Variants in TMEM267 observed in about 807,000 individuals in gnomAD.
TMEM267 encodes transmembrane protein 267.
A neutral mutation model predicts 19.3 loss-of-function variants in TMEM267; 20 were observed. The ratio of observed to expected loss-of-function variants is 1.04; its 90% CI spans 0.73 to 1.51. TMEM267 has a LOEUF of 1.51. TMEM267 is among the 40% of genes most tolerant of loss of function. The pLI is 0.00. For synonymous variants in TMEM267, 88 were observed against 90.3 expected (o/e 0.97, Z 0.15); for missense variants, 242 against 261.9 (o/e 0.92, Z 0.52).
chr5:43,449,713 TAG>T (rs1301992264), intron 2 of TMEM267, among the ~76,000 whole-genome samples: 2 of 152,214 alleles, frequency 1.3e-5, no homozygotes, highest in African/African-American at 4.8e-5. Context: ...TAATCCATAT[TAG>T]TAAAATATAA....
rs67848213 is a variant in TMEM267, at chr5:43,476,508, C to CTTTTTT, written c.-75+7308_-75+7313dup. ...ATCCTAACTGATACAAAAGCCAGACCTTTTTTTTTTTTTTTTTTTTTTTTT... is the reference window on the plus strand; with the variant it reads ...ATCCTAACTGATACAAAAGCCAGACCTTTTTTTTTTTTTTTTTTTTTTTTTTTTTTT... On this transcript the variant is annotated intron_variant, in intron 1 of 2. Coordinates refer to ENST00000397080, the MANE Select transcript of TMEM267 (RefSeq NM_022483.5). 4.1e-3 allele frequency among the ~76,000 whole-genome samples: 227 copies of CTTTTTT among 54,840 alleles called. 14 individuals carry two copies. Among genetic ancestry groups the CTTTTTT allele is most frequent in the African/African-American group, 0.011 (146 of 12,830 alleles). 36.0% of individuals were successfully genotyped at this position (54,840 alleles called of 152,430 possible). A position where few individuals can be genotyped will look rare whatever the true frequency, so the allele number is the denominator to read the frequency against.
chr5:43,449,485 C>T (rs1042674378), intron 2 of TMEM267, among the ~76,000 whole-genome samples: 2 of 151,914 alleles, frequency 1.3e-5, no homozygotes, highest in Non-Finnish European at 2.9e-5. Flanking sequence ...AATAAAAATG[C>T]AAATCTATTA....
At chr5:43,475,978 T>C (rs1744398408) in intron 1 of TMEM267, 1 of 152,206 alleles carries the variant, frequency 6.6e-6, no homozygotes. Flanking sequence ...CCCTTCCTTA[T>C]ATAGTTCTGG....
chr5:43,476,473 T>C (rs1322144255), intron 1 of TMEM267, among the ~76,000 whole-genome samples: 1 of 151,128 alleles, frequency 6.6e-6, no homozygotes, highest in Non-Finnish European at 1.5e-5. Flanking sequence ...TAGTTCTGCT[T>C]CTTTGATGGA....
Position 43,446,397 on chromosome 5 carries a change from C to T in TMEM267, c.473G>A (p.Arg158Gln), listed in dbSNP as rs750875918. 18 of 1,613,952 alleles carry T rather than the reference C, an allele frequency of 1.1e-5. No homozygotes were observed. Among genetic ancestry groups the T allele is most frequent in the African/African-American group, 2.7e-5 (2 of 74,906 alleles). The change falls in exon 3 of 3, where the codon CGA (arginine) becomes CAA (glutamine). Residue 158 changes from arginine to glutamine, a missense_variant. Arg to Gln is a conservative substitution (Grantham distance 43, BLOSUM62 1). Transcript: ENST00000397080. ...LFISWTSHHI[R>Q]DGIRHGLWIC... ...CCACAAACCATGACGAATCCCATCT[C>T]GGATATGATGTGAAGTCCAGGATAT...
chr5:43,453,023 G>A (rs896429197), intron 2 of TMEM267, among the ~76,000 whole-genome samples: 1 of 152,162 alleles, frequency 6.6e-6, no homozygotes, highest in Non-Finnish European at 1.5e-5. Context: ...AACATTTTAA[G>A]TTTAGTTCAT....
Position 43,445,510 on chromosome 5 carries a change from C to CA in TMEM267, c.*711dup, listed in dbSNP as rs1742191144. 1 of 151,666 alleles carries CA rather than the reference C, an allele frequency of 6.6e-6. No homozygotes were observed. The highest frequency in any genetic ancestry group is 2.4e-5 in the African/African-American group (1 of 41,310). 9.4% of individuals were successfully genotyped at this position (151,666 alleles called of 1,614,324 possible). A position where few individuals can be genotyped will look rare whatever the true frequency, so the allele number is the denominator to read the frequency against. On this transcript the variant is annotated 3_prime_UTR_variant, in exon 3 of 3. Coordinates refer to ENST00000397080, the MANE Select transcript of TMEM267 (RefSeq NM_022483.5). Reference sequence around the variant, plus strand: ...ACACGAGATTCTAGGCTAGAGATACCAAAAAATACTACTTCAGTAAAGTGC... The same window carrying CA: ...ACACGAGATTCTAGGCTAGAGATACCAAAAAAATACTACTTCAGTAAAGTGC...
chr5:43,474,851 G>T (rs1489633946), intron 1 of TMEM267, among the ~76,000 whole-genome samples: 6 of 152,042 alleles, frequency 3.9e-5, no homozygotes, highest in Non-Finnish European at 8.8e-5. Context: ...CAGTTAGAAT[G>T]GCGATCATTA....
intron 1 of TMEM267, among the ~76,000 whole-genome samples, chr5:43,468,200 G>A (rs959573211): frequency 3.9e-5 from 6 of 152,164 alleles, no homozygotes; most frequent in African/African-American, 1.4e-4. Flanking sequence ...AATGGTTACA[G>A]GAAAGTAAAC....
rs992505461 is a variant in TMEM267 at position 43,445,889 on chromosome 5, C to T, written c.*333G>A. On this transcript the variant is annotated 3_prime_UTR_variant, in exon 3 of 3. Transcript: ENST00000397080. ...GAGCTGTTTTTCATTAGGAAATGGA[C>T]TAAATTCCAGGTATATTTCCAGAAA... The T allele has an allele frequency of 6.4e-6, 1 of 156,648 alleles. No homozygotes were observed. The highest frequency in any genetic ancestry group is 2.4e-5 in the African/African-American group (1 of 41,462). The allele number at this position is 156,648 out of a possible 1,614,324, so 9.7% of individuals were successfully genotyped here.
chr5:43,447,932 G>A (rs958106897), intron 2 of TMEM267, among the ~76,000 whole-genome samples: 2 of 152,172 alleles, frequency 1.3e-5, no homozygotes, highest in African/African-American at 2.4e-5. Context: ...TTGATTCTGG[G>A]GGAGACGATG....
At chr5:43,460,053 G>A (rs559145661) in intron 1 of TMEM267, among the ~76,000 whole-genome samples, 4 of 152,268 alleles carry the variant, frequency 2.6e-5, no homozygotes, top group African/African-American at 9.6e-5. Flanking sequence ...AGATCATCAG[G>A]CATTAGATTC....
intron 1 of TMEM267, among the ~76,000 whole-genome samples, chr5:43,481,669 G>A (rs1376447942): frequency 6.6e-6 from 1 of 152,032 alleles, no homozygotes; most frequent in Non-Finnish European, 1.5e-5. Flanking sequence ...GATGAAAGAG[G>A]AAGGAAAAAG....
At chr5:43,477,647 T>C (rs1744510330) in intron 1 of TMEM267, among the ~76,000 whole-genome samples, 1 of 150,746 alleles carries the variant, frequency 6.6e-6, no homozygotes, top group Non-Finnish European at 1.5e-5. Flanking sequence ...AAGATCTCCC[T>C]GCCACCAAGC....
At chr5:43,471,863 C>A in intron 1 of TMEM267, among the ~76,000 whole-genome samples, 1 of 152,148 alleles carries the variant, frequency 6.6e-6, no homozygotes, top group East Asian at 1.9e-4. Context: ...TGGGGAAAAT[C>A]TCCACGACAT....
intron 1 of TMEM267, among the ~76,000 whole-genome samples, chr5:43,455,106 C>T (rs1742866793): frequency 6.6e-6 from 1 of 152,042 alleles, no homozygotes; most frequent in African/African-American, 2.4e-5. Context: ...ACTACTTATG[C>T]CATCTTATTT....
chr5:43,453,618 G>A lies in TMEM267; in HGVS notation c.312+40C>T, dbSNP rs753155963. The stretch of plus-strand genomic sequence containing the variant: ...GTAAAGATCAGCAAAATAGTGCTAA[G>A]GAAATTAAAGATCAGAAAAATTAAG... On this transcript the variant is annotated intron_variant, in intron 2 of 2. Transcript: ENST00000397080. 1.7e-5 allele frequency: 27 copies of A among 1,566,872 alleles called. 1 individual carries two copies. In the Admixed American group the frequency reaches 2.8e-4, roughly 16 times the overall value.
chr5:43,475,174 A>G (rs1211683869), intron 1 of TMEM267, among the ~76,000 whole-genome samples: 3 of 152,246 alleles, frequency 2.0e-5, no homozygotes, highest in Non-Finnish European at 2.9e-5. Flanking sequence ...CATATACACC[A>G]CAGAATACTA....
intron 1 of TMEM267, among the ~76,000 whole-genome samples, chr5:43,478,880 A>G (rs1228235906): frequency 6.6e-6 from 1 of 152,142 alleles, no homozygotes; most frequent in African/African-American, 2.4e-5. Context: ...TAGGGAAATA[A>G]TGATCACTCT....
Sources: allele counts gnomAD v4.1 joint callset (sites outside exome capture counted in the v4.1 genomes callset), GRCh38; gene constraint gnomAD v4.1.1; transcripts MANE v1.5; gene names NCBI Gene and HGNC (gene_info 2026-07-23, HGNC 2026-07-21).